The following BNC2 variants were observed in gnomAD, a reference collection of about 807,000 sequenced individuals.
BNC2 encodes the protein zinc finger protein basonuclin-2.
Under a neutral mutation model 76.3 loss-of-function variants are expected in BNC2, and 20 were observed. That is an observed-to-expected ratio of 0.26 (90% CI 0.18 to 0.38). BNC2 has a LOEUF of 0.38. Among genes scored for constraint, BNC2 ranks in the 10% least tolerant of loss-of-function variants. The pLI, the probability that BNC2 is intolerant of heterozygous loss-of-function variation, is 1.00. For synonymous variants in BNC2, 582 were observed against 514.8 expected (o/e 1.13, Z -1.77); for missense variants, 1,382 against 1,399.8 (o/e 0.99, Z 0.20).
intron 1 of BNC2, among the ~76,000 whole-genome samples, chr9:16,845,212 T>C (rs1390048256): frequency 6.6e-6 from 1 of 152,184 alleles, no homozygotes; most frequent in Non-Finnish European, 1.5e-5. Context: ...ATGTTATTCT[T>C]AAAACCAAAC....
At chr9:16,550,167 C>T (rs140783107) in intron 5 of BNC2, among the ~76,000 whole-genome samples, 158 of 152,198 alleles carry the variant, frequency 1.0e-3, no homozygotes, top group African/African-American at 3.6e-3. Context: ...CAAGCTTGTC[C>T]AACCCACAGC....
chr9:16,842,152 C>A (rs544103510), intron 1 of BNC2, among the ~76,000 whole-genome samples: 4 of 152,196 alleles, frequency 2.6e-5, no homozygotes, highest in Non-Finnish European at 5.9e-5. Flanking sequence ...AGTTTTGAAG[C>A]TGCTTTGCCT....
At chr9:16,823,427 CAA>C in intron 1 of BNC2, among the ~76,000 whole-genome samples, 1 of 113,090 alleles carries the variant, frequency 8.8e-6, no homozygotes, top group African/African-American at 3.7e-5. Context: ...CCTGTCTCTA[CAA>C]AAAAAAAAAA....
At chr9:16,820,878 G>A (rs1445983542) in intron 1 of BNC2, among the ~76,000 whole-genome samples, 1 of 151,992 alleles carries the variant, frequency 6.6e-6, no homozygotes, top group African/African-American at 2.4e-5. Flanking sequence ...AACAGCAATG[G>A]GAAAACCCCT....
At chr9:16,531,835 T>C (rs927762227) in intron 5 of BNC2, among the ~76,000 whole-genome samples, 13 of 152,268 alleles carry the variant, frequency 8.5e-5, no homozygotes, top group Middle Eastern at 6.8e-3. Flanking sequence ...TTTTTTAACA[T>C]ATTATTTTAT....
At position 16,415,115 on chromosome 9, in the gene BNC2, A is replaced by G. The variant is rs1820558117; in HGVS notation, c.*3874T>C. On this transcript the variant is annotated 3_prime_UTR_variant, in exon 7 of 7. Transcript: ENST00000380672. ...GAAAAGGAAAACATTAACACCTTTA[A>G]ACCTTTAAAAGGCATCAGGCTGAAC... is the stretch of plus-strand genomic sequence containing the variant. 1 of 152,234 alleles carries G rather than the reference A, an allele frequency of 6.6e-6. No homozygotes were observed. The highest frequency in any genetic ancestry group is 1.9e-4 in the East Asian group (1 of 5,190). The allele number at this position is 152,234 out of a possible 1,614,324, so 9.4% of individuals were successfully genotyped here. A position where few individuals can be genotyped will look rare whatever the true frequency, so the allele number is the denominator to read the frequency against.
Position 16,414,170 on chromosome 9 carries a change from C to G in BNC2, c.*4819G>C, listed in dbSNP as rs375176198. On this transcript the variant is annotated 3_prime_UTR_variant, in exon 7 of 7. Coordinates refer to ENST00000380672, the MANE Select transcript of BNC2 (RefSeq NM_017637.6). ...GCTTTCCTAACCCCTTCCTCAGAGC[C>G]GACTCACCTGGTCATAGGAACTCTG... 1 of 152,156 alleles carries G rather than the reference C, an allele frequency of 6.6e-6. No homozygotes were observed. The highest frequency in any genetic ancestry group is 2.1e-4 in the South Asian group (1 of 4,824). The allele number at this position is 152,156 out of a possible 1,614,324, so 9.4% of individuals were successfully genotyped here. A position where few individuals can be genotyped will look rare whatever the true frequency, so the allele number is the denominator to read the frequency against.
chr9:16,549,359 A>T (rs1181494661), intron 5 of BNC2, among the ~76,000 whole-genome samples: 1 of 152,324 alleles, frequency 6.6e-6, no homozygotes, highest in South Asian at 2.1e-4. Context: ...AGCCACCCTA[A>T]CCTGCCTTGA....
intron 5 of BNC2, among the ~76,000 whole-genome samples, chr9:16,521,883 T>C (rs1295521756): frequency 1.3e-5 from 2 of 152,188 alleles, no homozygotes; most frequent in Non-Finnish European, 2.9e-5. Context: ...GTATGAGTAT[T>C]AGGCCTGTCT....
intron 3 of BNC2, among the ~76,000 whole-genome samples, chr9:16,690,607 T>C (rs1229476001): frequency 6.6e-6 from 1 of 152,160 alleles, no homozygotes; most frequent in Non-Finnish European, 1.5e-5. Flanking sequence ...ACATTCATTG[T>C]TATAGAGTCA....
At chr9:16,636,396 G>C (rs1821327341) in intron 3 of BNC2, among the ~76,000 whole-genome samples, 1 of 151,838 alleles carries the variant, frequency 6.6e-6, no homozygotes, top group Non-Finnish European at 1.5e-5. Flanking sequence ...TCAAACTCCT[G>C]GACTCAAGCG....
At chr9:16,493,165 A>C (rs1822313786) in intron 5 of BNC2, among the ~76,000 whole-genome samples, 1 of 152,196 alleles carries the variant, frequency 6.6e-6, no homozygotes, top group African/African-American at 2.4e-5. Flanking sequence ...AAAAGCACTC[A>C]TTATCAACAC....
intron 3 of BNC2, among the ~76,000 whole-genome samples, chr9:16,642,177 T>C (rs1239772797): frequency 1.3e-5 from 2 of 152,184 alleles, no homozygotes; most frequent in African/African-American, 4.8e-5. Context: ...TTACACCTAA[T>C]ATAATACAAG....
At chr9:16,810,893 AT>A (rs985617985) in intron 1 of BNC2, among the ~76,000 whole-genome samples, 1 of 151,912 alleles carries the variant, frequency 6.6e-6, no homozygotes, top group Non-Finnish European at 1.5e-5. Flanking sequence ...ATCTCCCCAA[AT>A]TTTTTTTAAA....
At chr9:16,748,694 T>C (rs899186917) in intron 1 of BNC2, among the ~76,000 whole-genome samples, 2 of 151,360 alleles carry the variant, frequency 1.3e-5, no homozygotes, top group South Asian at 4.2e-4. Context: ...AATACAAAAA[T>C]TAGCCAGGCA....
intron 1 of BNC2, among the ~76,000 whole-genome samples, chr9:16,814,381 G>A (rs1428965483): frequency 1.3e-5 from 2 of 152,098 alleles, no homozygotes; most frequent in Non-Finnish European, 2.9e-5. Context: ...TACAACAGAC[G>A]TTTTCCTTCA....
At chr9:16,605,217 G>C (rs893343516) in intron 3 of BNC2, among the ~76,000 whole-genome samples, 1 of 152,162 alleles carries the variant, frequency 6.6e-6, no homozygotes, top group African/African-American at 2.4e-5. Context: ...AAGATTTCAT[G>C]TTTTCAAGTA....
At chr9:16,681,541 G>A (rs1002902640) in intron 3 of BNC2, among the ~76,000 whole-genome samples, 2 of 152,164 alleles carry the variant, frequency 1.3e-5, no homozygotes, top group South Asian at 2.1e-4. Context: ...AAACTTTCTG[G>A]CTCTTGGAGA....
intron 5 of BNC2, among the ~76,000 whole-genome samples, chr9:16,501,275 T>C (rs1458103222): frequency 6.6e-6 from 1 of 152,164 alleles, no homozygotes; most frequent in Non-Finnish European, 1.5e-5. Flanking sequence ...TACGAATGAG[T>C]AATGCTTAAC....
Sources: gnomAD v4.1 joint callset for allele counts (sites outside exome capture counted in the v4.1 genomes callset) on GRCh38, gnomAD v4.1.1 for gene constraint, MANE v1.5 for transcripts, NCBI Gene and HGNC (gene_info 2026-07-23, HGNC 2026-07-21) for gene names.